Variants in PTPRN2 observed in about 807,000 individuals in gnomAD.
PTPRN2 encodes protein tyrosine phosphatase receptor type N2, also known as receptor-type tyrosine-protein phosphatase N2.
Under a neutral mutation model 118.8 loss-of-function variants are expected in PTPRN2, and 74 were observed. The ratio of observed to expected loss-of-function variants is 0.62; its 90% CI spans 0.52 to 0.76. The LOEUF is 0.76. PTPRN2 is among the 30% of genes least tolerant of loss of function. The pLI is 0.00. For synonymous variants in PTPRN2, 641 were observed against 608.0 expected (o/e 1.05, Z -0.80); for missense variants, 1,481 against 1,394.4 (o/e 1.06, Z -0.99).
Position 158,417,737 on chromosome 7 carries a change from GTGTACTACAT to G in PTPRN2, c.163+71988_163+71997del, listed in dbSNP as rs1563268245. On this transcript the variant is annotated intron_variant, in intron 2 of 22. Transcript: ENST00000389418. ...CAGTGTCCCACTGTGTTAAGTCACGGTGTACTACATCGAGATGCTCTCTCAGTGTCCCGCT... is the reference window on the plus strand; with the variant it reads ...CAGTGTCCCACTGTGTTAAGTCACGGCGAGATGCTCTCTCAGTGTCCCGCT... 4.3e-3 allele frequency among the ~76,000 whole-genome samples: 103 copies of G among 23,806 alleles called. 1 individual carries two copies. Among genetic ancestry groups the G allele is most frequent in the African/African-American group, 0.015 (86 of 5,900 alleles). The allele number at this position is 23,806 out of a possible 152,430, so 15.6% of individuals were successfully genotyped here.
intron 12 of PTPRN2, among the ~76,000 whole-genome samples, chr7:157,716,529 A>T (rs28374667): frequency 6.8e-5 from 3 of 44,076 alleles, no homozygotes; most frequent in East Asian, 7.3e-4. Flanking sequence ...CAGACTCTGC[A>T]GGAACACTGC....
At chr7:158,071,544 G>T (rs556161155) in intron 11 of PTPRN2, among the ~76,000 whole-genome samples, 151 of 123,360 alleles carry the variant, frequency 1.2e-3, no homozygotes, top group African/African-American at 3.0e-3. Context: ...GATGATGGAG[G>T]TGCTCCTGGT....
At chr7:158,099,009 AC>A (rs1814937094) in intron 10 of PTPRN2, among the ~76,000 whole-genome samples, 1 of 17,800 alleles carries the variant, frequency 5.6e-5, no homozygotes, top group African/African-American at 2.1e-4. Flanking sequence ...TCCTCCCCCA[AC>A]ACATCCCGGC....
rs530518403 is a variant in PTPRN2, at chr7:158,115,176, T to C, written c.1557-4261A>G. ...CTGGGTGAAAGAGCAAGACCCCATA[T>C]CCAAAATAACAACAACAACAACAAC... On this transcript the variant is annotated intron_variant, in intron 9 of 22. Coordinates refer to ENST00000389418, the MANE Select transcript of PTPRN2 (RefSeq NM_002847.5). Among the ~76,000 whole-genome samples the C allele has an allele frequency of 1.5e-4, 23 of 151,786 alleles. No individual in the cohort carries two copies. The South Asian group carries it at 4.8e-3, about 32-fold the overall frequency.
intron 11 of PTPRN2, among the ~76,000 whole-genome samples, chr7:157,981,385 G>A (rs1012402003): frequency 6.7e-6 from 1 of 150,060 alleles, no homozygotes; most frequent in Non-Finnish European, 1.5e-5. Flanking sequence ...TTCCGGGACG[G>A]GTGAAACTGC....
intron 6 of PTPRN2, among the ~76,000 whole-genome samples, chr7:158,160,295 G>A (rs1226474514): frequency 6.6e-6 from 1 of 152,134 alleles, no homozygotes; most frequent in Non-Finnish European, 1.5e-5. Flanking sequence ...AGTGTTGGTG[G>A]GCGGGCACTG....
At chr7:158,251,790 T>C (rs978142380) in intron 3 of PTPRN2, among the ~76,000 whole-genome samples, 3 of 152,102 alleles carry the variant, frequency 2.0e-5, no homozygotes, top group African/African-American at 7.2e-5. Context: ...GTCCCCCTCA[T>C]TACCTCACAT....
chr7:158,430,927 C>G (rs559578874), intron 2 of PTPRN2, among the ~76,000 whole-genome samples: 1 of 152,282 alleles, frequency 6.6e-6, no homozygotes, highest in Admixed American at 6.5e-5. Flanking sequence ...TGTGTCTGAC[C>G]GTGGAACCAA....
At chr7:158,103,627 T>A (rs977483078) in intron 10 of PTPRN2, among the ~76,000 whole-genome samples, 1 of 152,188 alleles carries the variant, frequency 6.6e-6, no homozygotes, top group Non-Finnish European at 1.5e-5. Context: ...GTCCGATTTG[T>A]TTGTCTCATG....
chr7:158,348,201 G>T (rs59435702), intron 2 of PTPRN2, among the ~76,000 whole-genome samples: 11,083 of 152,108 alleles, frequency 0.073, 1,100 homozygotes, highest in African/African-American at 0.22. Context: ...CAAAGAGAGA[G>T]AAACTGGAGA....
intron 2 of PTPRN2, among the ~76,000 whole-genome samples, chr7:158,323,272 C>A (rs562515454): frequency 6.6e-6 from 1 of 152,164 alleles, no homozygotes; most frequent in Non-Finnish European, 1.5e-5. Context: ...ATGCAACCCC[C>A]TTCACTGTGC....
chr7:157,630,568 G>C (rs1044554277), intron 14 of PTPRN2, among the ~76,000 whole-genome samples: 3 of 152,194 alleles, frequency 2.0e-5, no homozygotes, highest in Non-Finnish European at 4.4e-5. Flanking sequence ...CTCAACAGCT[G>C]AAACAGGCAT....
intron 1 of PTPRN2, among the ~76,000 whole-genome samples, chr7:158,551,692 A>AG (rs1826669729): frequency 1.0e-4 from 6 of 60,014 alleles, no homozygotes; most frequent in Non-Finnish European, 1.3e-4. Flanking sequence ...CCATTGCATC[A>AG]GGGTGGGGCT....
At chr7:157,693,380 G>A (rs1043840751) in intron 12 of PTPRN2, among the ~76,000 whole-genome samples, 3 of 152,108 alleles carry the variant, frequency 2.0e-5, no homozygotes, top group East Asian at 1.9e-4. Context: ...CGACCTCCGC[G>A]GTGCTGGGAG....
intron 20 of PTPRN2, 123 bp from the exon 21 acceptor site, chr7:157,569,089 A>AT (rs1266452570): frequency 1.4e-5 from 13 of 950,694 alleles, no homozygotes; most frequent in Non-Finnish European, 2.1e-5. Context: ...AGGATGGCGG[A>AT]TGTGAGAGGG....
At chr7:158,117,004 C>CA (rs1171710009) in intron 9 of PTPRN2, among the ~76,000 whole-genome samples, 1 of 151,728 alleles carries the variant, frequency 6.6e-6, no homozygotes, top group African/African-American at 2.4e-5. Flanking sequence ...TAGTTTTCAA[C>CA]AAAAAATTGC....
chr7:157,819,365 C>T (rs1410925560), intron 12 of PTPRN2, among the ~76,000 whole-genome samples: 2 of 152,342 alleles, frequency 1.3e-5, no homozygotes, highest in East Asian at 3.9e-4. Context: ...GCTCTGTCGG[C>T]TCGAGTCTGA....
At chr7:158,169,417 A>AGTGTGTCTGTGTGTGT (rs773827214) in intron 5 of PTPRN2, among the ~76,000 whole-genome samples, 12 of 136,628 alleles carry the variant, frequency 8.8e-5, no homozygotes, top group African/African-American at 3.3e-4. Flanking sequence ...TGCTTTTGTG[A>AGTGTGTCTGTGTGTGT]GTGTGTGTGT....
chr7:157,849,304 T>A (rs1347577115), intron 12 of PTPRN2, among the ~76,000 whole-genome samples: 1 of 152,136 alleles, frequency 6.6e-6, no homozygotes, highest in Non-Finnish European at 1.5e-5. Context: ...CCACCGTCAT[T>A]CCCAGTGTGT....
Sources: allele counts gnomAD v4.1 joint callset (sites outside exome capture counted in the v4.1 genomes callset), GRCh38; gene constraint gnomAD v4.1.1; transcripts MANE v1.5; gene names NCBI Gene and HGNC (gene_info 2026-07-23, HGNC 2026-07-21).